P4HA3: variants seen among roughly 807,000 people sequenced by gnomAD.
P4HA3 encodes the protein prolyl 4-hydroxylase subunit alpha 3.
A neutral mutation model predicts 66.7 loss-of-function variants in P4HA3; 60 were observed. The observed-to-expected ratio is 0.90, with a 90% CI of 0.73 to 1.12. The LOEUF (loss-of-function observed/expected upper bound fraction) is 1.12. P4HA3 is among the 50% of genes most tolerant of loss of function. The pLI, the probability that P4HA3 is intolerant of heterozygous loss-of-function variation, is 0.00. For missense variants in P4HA3, 683 were observed against 685.8 expected (o/e 1.00, Z 0.05); for synonymous variants, 263 against 274.6 (o/e 0.96, Z 0.42).
intron 1 of P4HA3, among the ~76,000 whole-genome samples, chr11:74,307,982 T>C (rs935572950): frequency 2.0e-5 from 3 of 152,174 alleles, no homozygotes; most frequent in Admixed American, 6.5e-5. Context: ...AAAGCTAGGA[T>C]AAACTCTTTT....
chr11:74,290,569 C>T (rs1279436), intron 4 of P4HA3, among the ~76,000 whole-genome samples: 42,128 of 149,684 alleles, frequency 0.28, 6,138 homozygotes, highest in Non-Finnish European at 0.32. Context: ...AGGGTTTTTA[C>T]GGTTTTAGGT....
intron 14 of P4HA3, among the ~76,000 whole-genome samples, chr11:74,261,236 T>A (rs915223409): frequency 2.2e-4 from 34 of 152,208 alleles, no homozygotes; most frequent in Non-Finnish European, 2.1e-4. Flanking sequence ...TTTCTCTATC[T>A]CTCTCTGCCT....
At chr11:74,294,849 GC>G (rs1861161596) in intron 4 of P4HA3, among the ~76,000 whole-genome samples, 1 of 152,190 alleles carries the variant, frequency 6.6e-6, no homozygotes, top group Non-Finnish European at 1.5e-5. Flanking sequence ...GTGTCAGTCT[GC>G]CCCTACTCGG....
chr11:74,292,317 C>T (rs1861058138), intron 4 of P4HA3, among the ~76,000 whole-genome samples: 1 of 151,834 alleles, frequency 6.6e-6, no homozygotes, highest in African/African-American at 2.4e-5. Context: ...TTTATTGTGT[C>T]TATTTGATTC....
chr11:74,290,959 T>C lies in P4HA3; in HGVS notation c.718-1829A>G, dbSNP rs185874143. ...TTTTGATTCCATATGAATTTTAAAG[T>C]AGTTTTTTCCAATTCTGTGAAGAAA... On this transcript the variant is annotated intron_variant, in intron 4 of 12. Transcript: ENST00000331597. 2.9e-3 allele frequency among the ~76,000 whole-genome samples: 448 copies of C among 152,340 alleles called. 1 individual carries two copies. Among genetic ancestry groups the C allele is most frequent in the Middle Eastern group, 0.024 (7 of 294 alleles).
In P4HA3 at chr11:74,289,105, C is replaced by T; in HGVS notation, c.743G>A (p.Ser248Asn). 1 of 1,580,810 alleles carries T rather than the reference C, an allele frequency of 6.3e-7. No homozygotes were observed. The highest frequency in any genetic ancestry group is 8.6e-7 in the Non-Finnish European group (1 of 1,166,246). ...FRAGNVSCAL[S>N]LSREFLLYSP... ...GTAGAGAAGAAACTCCCGAGAGAGG[C>T]TGAGGGCACACGAAACATTTCCTGC... Residue 248 changes from serine (S) to asparagine (N), a missense_variant, in exon 5 of 13, where the codon AGC becomes AAC. Transcript: ENST00000331597.
intron 4 of P4HA3, among the ~76,000 whole-genome samples, chr11:74,290,545 C>T (rs1022523932): frequency 7.3e-5 from 11 of 151,586 alleles, no homozygotes; most frequent in African/African-American, 2.7e-4. Context: ...ATGGTATTGC[C>T]TAGGTTTTCT....
chr11:74,261,956 C>T (rs908663679), downstream of P4HA3, among the ~76,000 whole-genome samples: 4 of 152,186 alleles, frequency 2.6e-5, no homozygotes, highest in South Asian at 2.1e-4. Context: ...TGACACACAG[C>T]GTAATTATGG....
intron 15 of P4HA3, among the ~76,000 whole-genome samples, chr11:74,256,740 A>G (rs1207350560): frequency 6.6e-6 from 1 of 152,202 alleles, no homozygotes; most frequent in Non-Finnish European, 1.5e-5. Flanking sequence ...CCTGTCACAT[A>G]GACACTAGTG....
downstream of P4HA3, chr11:74,266,591 C>T (rs1371644683): frequency 3.1e-5 from 5 of 163,182 alleles, no homozygotes; most frequent in African/African-American, 7.2e-5. Context: ...ATGTGGAGGG[C>T]CAACTGTACT....
intron 7 of P4HA3, among the ~76,000 whole-genome samples, chr11:74,282,064 T>C (rs1460290594): frequency 1.3e-5 from 2 of 151,142 alleles, no homozygotes; most frequent in Admixed American, 1.3e-4. Flanking sequence ...CCTGAGCCAT[T>C]TGTAGAGGAG....
At chr11:74,295,169 T>C (rs1861174985) in intron 4 of P4HA3, among the ~76,000 whole-genome samples, 1 of 152,186 alleles carries the variant, frequency 6.6e-6, no homozygotes, top group Admixed American at 6.5e-5. Context: ...TTTAACCCAA[T>C]GTGGAACTAT....
At chr11:74,308,758 T>TTAAAA (rs138633165) in intron 1 of P4HA3, among the ~76,000 whole-genome samples, 5,895 of 152,224 alleles carry the variant, frequency 0.039, 117 homozygotes, top group Middle Eastern at 0.092. Flanking sequence ...CTAGATGGTC[T>TTAAAA]TAAAATAAAA....
intron 4 of P4HA3, among the ~76,000 whole-genome samples, chr11:74,289,365 G>C (rs931065706): frequency 5.9e-5 from 9 of 152,150 alleles, no homozygotes; most frequent in Admixed American, 5.9e-4. Flanking sequence ...TACCGGGCAA[G>C]GTAGGAAAAT....
chr11:74,308,820 A>G (rs1456625449), intron 1 of P4HA3, among the ~76,000 whole-genome samples: 1 of 152,248 alleles, frequency 6.6e-6, no homozygotes. Context: ...CAATTGTTAC[A>G]TGCCAGGTAC....
intron 4 of P4HA3, among the ~76,000 whole-genome samples, chr11:74,296,837 C>G (rs73550761): frequency 6.6e-6 from 1 of 152,154 alleles, no homozygotes; most frequent in African/African-American, 2.4e-5. Context: ...ACTTCTCACC[C>G]CTTCCTACAT....
rs1352895390 is a variant in P4HA3, at chr11:74,250,916, T to C, written c.*1319-2915A>G. ...TGAGGCTGCATAAGAGAGGGCTCTT[T>C]TAGTCGCTGAAGTTGCCTTGCTTTG... On this transcript the variant is annotated intron_variant and NMD_transcript_variant, in intron 15 of 15. Coordinates refer to the P4HA3 transcript ENST00000524388. 5 of 1,532,132 alleles carry C rather than the reference T, an allele frequency of 3.3e-6. No homozygotes were observed. The South Asian group carries it at 5.9e-5, about 18-fold the overall frequency. The allele number at this position is 1,532,132 out of a possible 1,614,324, so 94.9% of individuals were successfully genotyped here.
chr11:74,302,507 C>A lies in P4HA3; in HGVS notation c.429G>T (p.Leu143=). 6.2e-7 allele frequency: 1 copy of A among 1,614,210 alleles called. No individual in the cohort carries two copies. The highest frequency in any genetic ancestry group is 1.1e-5 in the South Asian group (1 of 91,080). ...TCACATTGAGCATGTACACGTCCTG[C>A]AGCCGCATCAGGGCCCTTGCTGCTC... ...LEGAARALMR[L]QDVYMLNVKG... is the part of the protein sequence containing the mutation. The change falls in exon 3 of 13, where the codon CTG becomes CTT. Residue 143 remains leucine, a synonymous_variant. Transcript: ENST00000331597.
At chr11:74,264,386 G>T (rs994474264), downstream of P4HA3, among the ~76,000 whole-genome samples, 2 of 152,140 alleles carry the variant, frequency 1.3e-5, no homozygotes, top group African/African-American at 4.8e-5. Flanking sequence ...GCAAAGCCTG[G>T]TCTCTCCTTC....
Sources: gnomAD v4.1 joint callset for allele counts (sites outside exome capture counted in the v4.1 genomes callset) on GRCh38, gnomAD v4.1.1 for gene constraint, MANE v1.5 for transcripts, NCBI Gene and HGNC (gene_info 2026-07-23, HGNC 2026-07-21) for gene names.